The following NRG1 variants were observed in gnomAD, a reference collection of about 807,000 sequenced individuals.
NRG1 encodes neuregulin 1, also known as pro-neuregulin-1, membrane-bound isoform.
A neutral mutation model predicts 63.8 loss-of-function variants in NRG1; 18 were observed. The ratio of observed to expected loss-of-function variants is 0.28; its 90% confidence interval spans 0.19 to 0.42. The LOEUF (loss-of-function observed/expected upper bound fraction) is 0.42. Ranked by LOEUF, NRG1 falls within the 10% of genes least tolerant of loss-of-function variation. The probability of loss-of-function intolerance (pLI) is 1.00; values close to 1 mark genes in which losing one functional copy is unlikely to be tolerated. For synonymous variants in NRG1, 302 were observed against 301.3 expected (o/e 1.00, Z -0.02); for missense variants, 762 against 814.7 (o/e 0.94, Z 0.79).
At chr8:31,987,320 ATGTGTGTGTG>A (rs545275263) in intron 1 of NRG1, among the ~76,000 whole-genome samples, 1 of 125,824 alleles carries the variant, frequency 7.9e-6, no homozygotes, top group African/African-American at 3.2e-5. Context: ...AAACATATAT[ATGTGTGTGTG>A]TGTGTGTGTG....
chr8:32,251,936 A>C (rs1309975671), intron 1 of NRG1, among the ~76,000 whole-genome samples: 3 of 151,924 alleles, frequency 2.0e-5, no homozygotes, highest in African/African-American at 7.3e-5. Flanking sequence ...GATGAGTTGC[A>C]TTTCTCTAAT....
chr8:32,511,691 T>C (rs559508491), intron 1 of NRG1, among the ~76,000 whole-genome samples: 1 of 152,072 alleles, frequency 6.6e-6, no homozygotes. Flanking sequence ...TGCAATGGCT[T>C]GTATTTGAGT....
At chr8:32,504,650 A>G (rs1828312702) in intron 1 of NRG1, among the ~76,000 whole-genome samples, 1 of 152,174 alleles carries the variant, frequency 6.6e-6, no homozygotes, top group Admixed American at 6.5e-5. Context: ...TTAAGATTTT[A>G]GCCACAGGTC....
At chr8:31,848,438 T>A (rs1826893594) in intron 1 of NRG1, among the ~76,000 whole-genome samples, 1 of 152,178 alleles carries the variant, frequency 6.6e-6, no homozygotes, top group Non-Finnish European at 1.5e-5. Flanking sequence ...CTCCCATTGG[T>A]GTGAATTGGG....
intron 4 of NRG1, among the ~76,000 whole-genome samples, chr8:32,614,862 GT>G (rs1847051938): frequency 6.6e-6 from 1 of 152,098 alleles, no homozygotes; most frequent in African/African-American, 2.4e-5. Flanking sequence ...TACAAGCTCA[GT>G]TTTTATGTCT....
exon 9 of NRG1, chr8:32,756,516 T>C: frequency 6.2e-7 from 1 of 1,612,006 alleles, no homozygotes; most frequent in Non-Finnish European, 8.5e-7. Context: ...CCCGAGAATG[T>C]CCAGCTGGTG....
chr8:32,103,701 G>A (rs913905664), intron 1 of NRG1, among the ~76,000 whole-genome samples: 1 of 152,140 alleles, frequency 6.6e-6, no homozygotes, highest in Non-Finnish European at 1.5e-5. Context: ...TGCTGAAGGT[G>A]AGAATATGGC....
chr8:31,733,781 A>G (rs1487256955), intron 1 of NRG1, among the ~76,000 whole-genome samples: 2 of 152,134 alleles, frequency 1.3e-5, no homozygotes, highest in African/African-American at 4.8e-5. Context: ...AGTTTCTAAG[A>G]GTGAACCTCT....
At chr8:32,179,090 C>G (rs1841133825) in intron 1 of NRG1, among the ~76,000 whole-genome samples, 1 of 147,032 alleles carries the variant, frequency 6.8e-6, no homozygotes, top group East Asian at 2.0e-4. Context: ...GGTGTAGGAT[C>G]AGGGGAGGGT....
At chr8:32,183,022 A>C (rs1292190838) in intron 1 of NRG1, among the ~76,000 whole-genome samples, 1 of 152,224 alleles carries the variant, frequency 6.6e-6, no homozygotes, top group Non-Finnish European at 1.5e-5. Context: ...TTTGGAAAAG[A>C]ATTATAATTA....
chr8:32,701,474 C>T (rs1288147891), intron 5 of NRG1, among the ~76,000 whole-genome samples: 1 of 152,034 alleles, frequency 6.6e-6, no homozygotes, highest in African/African-American at 2.4e-5. Flanking sequence ...GATAGAGGGG[C>T]GTAAAGACCA....
rs145545078 is a variant in NRG1 at position 31,989,713 on chromosome 8, C to G, written c.37+350282C>G. 2.2e-3 allele frequency among the ~76,000 whole-genome samples: 339 copies of G among 152,192 alleles called. 1 individual carries two copies. The highest frequency in any genetic ancestry group is 7.7e-3 in the African/African-American group (320 of 41,542). On this transcript the variant is annotated intron_variant, in intron 1 of 10. Transcript: ENST00000519301. Reference sequence around the variant, plus strand: ...TGCCATTGAAAACCTTCATGCCCTACTATTTCTTTTAGGACTTTTGTGAAC... The same window carrying G: ...TGCCATTGAAAACCTTCATGCCCTAGTATTTCTTTTAGGACTTTTGTGAAC...
Position 31,767,729 on chromosome 8 carries a change from A to G in NRG1, c.37+128298A>G, listed in dbSNP as rs187366602. Among the ~76,000 whole-genome samples, 258 of 151,826 alleles carry G rather than the reference A, an allele frequency of 1.7e-3. 1 individual carries two copies. In the Middle Eastern group the frequency reaches 0.024, roughly 14 times the overall value. On this transcript the variant is annotated intron_variant, in intron 1 of 10. Coordinates refer to the NRG1 transcript ENST00000519301. ...GTGGCAGTTACCTGTAATCCCAGCT[A>G]CTCAGGAGGCTAAGGCTGGAGAATT... is the stretch of plus-strand genomic sequence containing the variant.
At chr8:32,643,593 G>A (rs2129546118) in intron 5 of NRG1, among the ~76,000 whole-genome samples, 1 of 152,314 alleles carries the variant, frequency 6.6e-6, no homozygotes, top group South Asian at 2.1e-4. Flanking sequence ...CCACTCAGCT[G>A]AACCCAGTAA....
chr8:32,312,157 G>GTTTTTTTTTT (rs35888973), intron 1 of NRG1, among the ~76,000 whole-genome samples: 4 of 74,400 alleles, frequency 5.4e-5, no homozygotes, highest in African/African-American at 1.1e-4. Context: ...GACCTTGTTT[G>GTTTTTTTTTT]TTTTTTTTTT....
intron 1 of NRG1, among the ~76,000 whole-genome samples, chr8:32,367,749 AG>A (rs1165018478): frequency 6.6e-6 from 1 of 152,166 alleles, no homozygotes; most frequent in African/African-American, 2.4e-5. Flanking sequence ...ATCTTCGCCC[AG>A]ACCAACATCC....
chr8:32,319,588 A>G (rs1198574124), intron 1 of NRG1, among the ~76,000 whole-genome samples: 2 of 152,312 alleles, frequency 1.3e-5, no homozygotes, highest in African/African-American at 2.4e-5. Flanking sequence ...TTGTTGGAGA[A>G]TATGATCTCG....
intron 1 of NRG1, among the ~76,000 whole-genome samples, chr8:32,049,572 A>T (rs527306775): frequency 6.6e-6 from 1 of 152,134 alleles, no homozygotes; most frequent in Admixed American, 6.6e-5. Context: ...CTTAATTTTG[A>T]CTGCATGAAA....
At chr8:31,753,707 T>C (rs1013022587) in intron 1 of NRG1, among the ~76,000 whole-genome samples, 1 of 152,080 alleles carries the variant, frequency 6.6e-6, no homozygotes, top group Non-Finnish European at 1.5e-5. Flanking sequence ...AACTAAAAAC[T>C]AGTCCATCTC....
Sources: gnomAD v4.1 joint callset for allele counts (sites outside exome capture counted in the v4.1 genomes callset) on GRCh38, gnomAD v4.1.1 for gene constraint, MANE v1.5 for transcripts, NCBI Gene and HGNC (gene_info 2026-07-23, HGNC 2026-07-21) for gene names.